KCNAB2: variants seen among roughly 807,000 people sequenced by gnomAD.
KCNAB2 encodes potassium voltage-gated channel subfamily A regulatory beta subunit 2.
KCNAB2 carries 29 observed loss-of-function variants against 63.6 expected under a neutral mutation model. The observed-to-expected ratio is 0.46, with a 90% confidence interval of 0.34 to 0.62. KCNAB2 has a LOEUF of 0.62. Ranked by LOEUF, KCNAB2 falls within the 20% of genes least tolerant of loss-of-function variation. KCNAB2 has a pLI of 0.01. For synonymous variants in KCNAB2, 222 were observed against 224.2 expected (o/e 0.99, Z 0.09); for missense variants, 359 against 563.9 (o/e 0.64, Z 3.68).
chr1:6,065,377 G>A (rs1046229587), intron 2 of KCNAB2, among the ~76,000 whole-genome samples: 1 of 152,208 alleles, frequency 6.6e-6, no homozygotes, highest in East Asian at 1.9e-4. Flanking sequence ...ATGGCCAGAC[G>A]CTGCCCGCGC....
chr1:6,022,931 G>A (rs543444852), intron 1 of KCNAB2, among the ~76,000 whole-genome samples: 14 of 146,592 alleles, frequency 9.6e-5, no homozygotes, highest in Non-Finnish European at 2.1e-4. Flanking sequence ...CACCCAGGCT[G>A]GAGGGCAGTG....
At chr1:6,031,717 T>A (rs562971919), upstream of KCNAB2, among the ~76,000 whole-genome samples, 5 of 67,708 alleles carry the variant, frequency 7.4e-5, no homozygotes, top group African/African-American at 1.9e-4. The surrounding 1 kb of genome is among the most constrained non-coding windows in gnomAD (Gnocchi z 4.1). Flanking sequence ...TAAGGCCTCA[T>A]CTCTATTAAA....
intron 14 of KCNAB2, 148 bp from the exon 15 acceptor site, chr1:6,097,121 C>G: frequency 1.1e-6 from 1 of 895,196 alleles, no homozygotes; most frequent in Non-Finnish European, 1.6e-6. Context: ...TTAGACAAAG[C>G]CCGTGCCCAG....
Position 6,086,042 on chromosome 1 carries a change from T to TGGG in KCNAB2, c.425+795_425+797dup, listed in dbSNP as rs2100738518. On this transcript the variant is annotated intron_variant, in intron 6 of 15. Coordinates refer to ENST00000378083, the MANE Select transcript of KCNAB2 (RefSeq NM_001199862.2). The surrounding 1 kb of genome is among the most constrained non-coding windows in gnomAD (Gnocchi z 4.2). ...GGTCCTCACCCACCTTGGGACCAAC[T>TGGG]GGGCTGAGCACTTGCCTACATTTTG... The TGGG allele has an allele frequency of 1.0e-6, 1 of 985,490 alleles. No individual in the cohort carries two copies. Among genetic ancestry groups the TGGG allele is most frequent in the African/African-American group, 1.7e-5 (1 of 57,380 alleles). The allele number at this position is 985,490 out of a possible 1,614,324, so 61.0% of individuals were successfully genotyped here.
chr1:6,047,555 T>C (rs114352573), intron 1 of KCNAB2, among the ~76,000 whole-genome samples: 4,460 of 152,282 alleles, frequency 0.029, 93 homozygotes, highest in South Asian at 0.095. Context: ...AAAGAGCTGC[T>C]GGGTCTGAGG....
intron 1 of KCNAB2, among the ~76,000 whole-genome samples, chr1:6,049,491 G>A (rs1661208693): frequency 1.3e-5 from 2 of 152,184 alleles, no homozygotes; most frequent in South Asian, 4.1e-4. Flanking sequence ...GGGTAGGATG[G>A]GAAACGCAGC....
intron 2 of KCNAB2, among the ~76,000 whole-genome samples, chr1:6,053,271 G>A (rs905170120): frequency 6.6e-6 from 1 of 152,102 alleles, no homozygotes; most frequent in South Asian, 2.1e-4. Flanking sequence ...TGTTTATTCA[G>A]TAAATGTTTA....
upstream of KCNAB2, among the ~76,000 whole-genome samples, chr1:6,033,225 G>A (rs556553066): frequency 4.3e-4 from 65 of 151,570 alleles, no homozygotes; most frequent in African/African-American, 1.1e-3. Context: ...GGGTGTGTGC[G>A]CATGTGTGCA....
At chr1:5,996,589 C>A (rs1466287812) in intron 1 of KCNAB2, among the ~76,000 whole-genome samples, 1 of 152,268 alleles carries the variant, frequency 6.6e-6, no homozygotes, top group Non-Finnish European at 1.5e-5. Flanking sequence ...GCACCTGTCT[C>A]CTTGCAGGCA....
chr1:6,084,645 G>A (rs543018108), intron 5 of KCNAB2, among the ~76,000 whole-genome samples: 19 of 152,146 alleles, frequency 1.2e-4, no homozygotes, highest in East Asian at 9.7e-4. Flanking sequence ...GTGAAACCCC[G>A]TCTCTACTAA....
At chr1:6,031,832 T>TGAGCC (rs766614318), upstream of KCNAB2, among the ~76,000 whole-genome samples, 1 of 151,880 alleles carries the variant, frequency 6.6e-6, no homozygotes, top group Non-Finnish European at 1.5e-5. The surrounding 1 kb of genome is among the most constrained non-coding windows in gnomAD (Gnocchi z 4.1). Context: ...AGGGCTGCAG[T>TGAGCC]GAGCCGTGAT....
chr1:5,998,388 GT>G (rs1354345483), intron 1 of KCNAB2, among the ~76,000 whole-genome samples: 1 of 152,200 alleles, frequency 6.6e-6, no homozygotes, highest in Non-Finnish European at 1.5e-5. Context: ...ACTGGGCTCG[GT>G]TGACCTTGGG....
upstream of KCNAB2, among the ~76,000 whole-genome samples, chr1:6,045,326 GTGACCCTGGGGGTCA>G (rs1412144584): frequency 1.3e-5 from 2 of 152,298 alleles, no homozygotes; most frequent in African/African-American, 4.8e-5. The surrounding 1 kb of genome is among the most constrained non-coding windows in gnomAD (Gnocchi z 4.8). Flanking sequence ...GTGACACGCA[GTGACCCTGGGGGTCA>G]TGACCCTGGG....
In KCNAB2 at chr1:6,037,298, G is replaced by C. The variant is rs563695383; in HGVS notation, c.-53+2504G>C. ...TAGACCCAAGAGAGAGTGAAGTGTG[G>C]GGTGGGCTACATGCCCTGTTAAAGG... On this transcript the variant is annotated intron_variant, in intron 1 of 15. Coordinates refer to the KCNAB2 transcript ENST00000164247. 2.0e-5 allele frequency among the ~76,000 whole-genome samples: 3 copies of C among 152,352 alleles called. No homozygotes were observed. The East Asian group carries it at 5.8e-4, about 29-fold the overall frequency.
chr1:6,087,640 G>T lies in KCNAB2; in HGVS notation c.470+129G>T. The T allele has an allele frequency of 1.1e-6, 1 of 952,176 alleles. No individual in the cohort carries two copies. The allele number at this position is 952,176 out of a possible 1,614,324, so 59.0% of individuals were successfully genotyped here. ...CAGTCCTCCTTGAGAAGGGAGAGTG[G>T]TCGGGGTCTGTCCTGGACAGGCCCC... is the stretch of plus-strand genomic sequence containing the variant. On this transcript the variant is annotated intron_variant, in intron 7 of 15. Coordinates refer to ENST00000378083, the MANE Select transcript of KCNAB2 (RefSeq NM_001199862.2). This position sits in a 1 kb window ranked among gnomAD's most constrained non-coding sequence, Gnocchi z 6.4.
chr1:6,060,063 A>G lies in KCNAB2; in HGVS notation c.218+8309A>G, dbSNP rs542768210. Among the ~76,000 whole-genome samples, 5 of 152,236 alleles carry G rather than the reference A, an allele frequency of 3.3e-5. No homozygotes were observed. The East Asian group carries it at 9.7e-4, about 29-fold the overall frequency. ...GTCCCTCCGTGTCAAGTCTCCCACCATCTGATGCGCCCTCTGGCAAGGCCA... is the reference window on the plus strand; with the variant it reads ...GTCCCTCCGTGTCAAGTCTCCCACCGTCTGATGCGCCCTCTGGCAAGGCCA... On this transcript the variant is annotated intron_variant, in intron 2 of 15. Transcript: ENST00000378083.
intron 2 of KCNAB2, among the ~76,000 whole-genome samples, chr1:6,067,561 G>A (rs1350555157): frequency 6.6e-6 from 1 of 152,176 alleles, no homozygotes; most frequent in Non-Finnish European, 1.5e-5. Context: ...TGACTCTGGG[G>A]GTCCTGCATC....
At chr1:6,037,988 C>T (rs1570922933) in intron 1 of KCNAB2, among the ~76,000 whole-genome samples, 1 of 150,944 alleles carries the variant, frequency 6.6e-6, no homozygotes. Context: ...CATTCTCCTG[C>T]CTCACCCTCC....
intron 9 of KCNAB2, 125 bp from the exon 10 acceptor site, chr1:6,091,138 C>T: frequency 1.4e-6 from 1 of 720,590 alleles, no homozygotes; most frequent in African/African-American, 1.7e-5. Context: ...TATTTTTTTC[C>T]TTTTTAACTA....
Sources: allele counts gnomAD v4.1 joint callset (sites outside exome capture counted in the v4.1 genomes callset), GRCh38; gene constraint gnomAD v4.1.1; non-coding constraint Gnocchi (gnomAD v3.1); transcripts MANE v1.5; gene names NCBI Gene and HGNC (gene_info 2026-07-23, HGNC 2026-07-21).